Variants in SPOPL observed in about 807,000 individuals in gnomAD.
SPOPL encodes the protein speckle type BTB/POZ protein like.
A neutral mutation model predicts 53.8 loss-of-function variants in SPOPL; 23 were observed. The observed-to-expected ratio is 0.43, with a 90% CI of 0.31 to 0.61. The LOEUF is 0.61. SPOPL is among the 20% of genes least tolerant of loss of function. SPOPL has a pLI of 0.12. For missense variants in SPOPL, 442 were observed against 466.9 expected, an observed-to-expected ratio of 0.95 and a Z score of 0.49; for synonymous variants, 164 against 149.7, an observed-to-expected ratio of 1.10 and a Z score of -0.70.
chr2:138,525,520 T>A (rs1210116877), intron 1 of SPOPL, among the ~76,000 whole-genome samples: 1 of 152,034 alleles, frequency 6.6e-6, no homozygotes, highest in Admixed American at 6.6e-5. Flanking sequence ...AGTGCTTTTT[T>A]AAAAATAGAA....
Position 138,552,537 on chromosome 2 carries a change from A to G in SPOPL, c.353-17A>G, listed in dbSNP as rs1685334802. On this transcript the variant is annotated splice_polypyrimidine_tract_variant and intron_variant, in intron 4 of 10. Transcript: ENST00000280098. ...TGGATATTTATTTTATTTAAACTCT[A>G]TTCTGTTTTCCACCAGAAAGCCAAA... 1.9e-6 allele frequency: 3 copies of G among 1,597,946 alleles called. No homozygotes were observed. Among genetic ancestry groups the G allele is most frequent in the Non-Finnish European group, 2.6e-6 (3 of 1,175,118 alleles).
At chr2:138,517,355 T>C (rs1684460899) in intron 1 of SPOPL, among the ~76,000 whole-genome samples, 1 of 152,196 alleles carries the variant, frequency 6.6e-6, no homozygotes, top group Non-Finnish European at 1.5e-5. Context: ...CTTTGTTGTT[T>C]CCTTTCATTG....
chr2:138,523,304 A>G (rs1433740453), intron 1 of SPOPL, among the ~76,000 whole-genome samples: 3 of 152,150 alleles, frequency 2.0e-5, no homozygotes, highest in African/African-American at 7.2e-5. Context: ...AACATCACGA[A>G]AAACACCCAC....
chr2:138,524,008 A>G (rs1479117610), intron 1 of SPOPL, among the ~76,000 whole-genome samples: 1 of 152,122 alleles, frequency 6.6e-6, no homozygotes, highest in African/African-American at 2.4e-5. Context: ...CTCTGACCCC[A>G]CATTTTCCTT....
At chr2:138,537,800 T>C (rs1684969492) in intron 1 of SPOPL, among the ~76,000 whole-genome samples, 1 of 152,218 alleles carries the variant, frequency 6.6e-6, no homozygotes, top group Non-Finnish European at 1.5e-5. Context: ...TAGTCTCTAC[T>C]AAATTTTCTT....
intron 1 of SPOPL, among the ~76,000 whole-genome samples, chr2:138,522,460 TTAAAACTGGGGTCCTGTG>T (rs1194459461): frequency 6.6e-6 from 1 of 152,152 alleles, no homozygotes; most frequent in Non-Finnish European, 1.5e-5. Context: ...ACCCTTTTTT[TTAAAACTGGGGTCCTGTG>T]TAAATATATT....
chr2:138,527,900 C>T (rs1458526727), intron 1 of SPOPL, among the ~76,000 whole-genome samples: 1 of 152,196 alleles, frequency 6.6e-6, no homozygotes, highest in East Asian at 1.9e-4. Context: ...AACGTGATGA[C>T]TTCCCTGAAG....
chr2:138,509,679 G>A (rs919783029), intron 1 of SPOPL, among the ~76,000 whole-genome samples: 3 of 151,970 alleles, frequency 2.0e-5, no homozygotes, highest in African/African-American at 4.8e-5. Context: ...TACATCCCTC[G>A]CACCCATACA....
chr2:138,552,534 T>G lies in SPOPL; in HGVS notation c.353-20T>G, dbSNP rs1339984400. On this transcript the variant is annotated intron_variant, in intron 4 of 10. Coordinates refer to ENST00000280098, the MANE Select transcript of SPOPL (RefSeq NM_001001664.3). ...TCTTGGATATTTATTTTATTTAAAC[T>G]CTATTCTGTTTTCCACCAGAAAGCC... is the stretch of plus-strand genomic sequence containing the variant. 6.3e-7 allele frequency: 1 copy of G among 1,593,070 alleles called. No individual in the cohort carries two copies. Among genetic ancestry groups the G allele is most frequent in the Admixed American group, 1.9e-5 (1 of 53,964 alleles).
chr2:138,566,826 G>T (rs1353106678), intron 10 of SPOPL, among the ~76,000 whole-genome samples: 1 of 152,080 alleles, frequency 6.6e-6, no homozygotes, highest in Non-Finnish European at 1.5e-5. Context: ...TTATAATATG[G>T]TAAGTAATAC....
chr2:138,539,265 A>G (rs1248101227), intron 1 of SPOPL, among the ~76,000 whole-genome samples: 1 of 152,218 alleles, frequency 6.6e-6, no homozygotes, highest in South Asian at 2.1e-4. Flanking sequence ...GTATATACCC[A>G]GTAATGGGAT....
At chr2:138,507,995 T>C (rs1684251132) in intron 1 of SPOPL, among the ~76,000 whole-genome samples, 1 of 152,208 alleles carries the variant, frequency 6.6e-6, no homozygotes. Context: ...CTCTCAATTT[T>C]AGGGAGTTTA....
chr2:138,504,756 A>C (rs1245146283), intron 1 of SPOPL, among the ~76,000 whole-genome samples: 4 of 152,178 alleles, frequency 2.6e-5, no homozygotes, highest in Non-Finnish European at 4.4e-5. Context: ...CTAAAGCAGT[A>C]GTTACTCCAG....
intron 10 of SPOPL, 63 bp downstream of exon 10, chr2:138,565,056 A>AGC: frequency 6.3e-7 from 1 of 1,577,826 alleles, no homozygotes; most frequent in Non-Finnish European, 8.7e-7. Context: ...GTGTTTGCAT[A>AGC]GCCTTTTGTT....
chr2:138,503,268 G>T lies in SPOPL; in HGVS notation c.-61+1149G>T, dbSNP rs193276153. Among the ~76,000 whole-genome samples the T allele has an allele frequency of 2.7e-3, 417 of 152,316 alleles. 2 individuals carry two copies. The highest frequency in any genetic ancestry group is 4.7e-3 in the Non-Finnish European group (322 of 68,030). The stretch of plus-strand genomic sequence containing the variant: ...CTTGCTCTGCCATCTACCAGCTTTG[G>T]CTTTGGGGAAGTTACTTAATATTTC... On this transcript the variant is annotated intron_variant, in intron 1 of 10. Transcript: ENST00000280098.
intron 1 of SPOPL, among the ~76,000 whole-genome samples, chr2:138,516,133 A>T (rs1684432717): frequency 6.6e-6 from 1 of 152,176 alleles, no homozygotes; most frequent in Admixed American, 6.5e-5. Flanking sequence ...TTTTTACAGC[A>T]TTGTTCATCA....
In SPOPL at chr2:138,541,982, A is replaced by T. The variant is rs531979873; in HGVS notation, c.-60-8175A>T. Among the ~76,000 whole-genome samples the T allele has an allele frequency of 4.6e-5, 7 of 152,012 alleles. No homozygotes were observed. In the South Asian group the frequency reaches 1.5e-3, roughly 32 times the overall value. On this transcript the variant is annotated intron_variant, in intron 1 of 10. Coordinates refer to ENST00000280098, the MANE Select transcript of SPOPL (RefSeq NM_001001664.3). ...AAAGAACATCCTTATTTCTGCCTTC[A>T]TTTCGTTATGTACCCAGTAGTCATT...
intron 5 of SPOPL, chr2:138,554,558 T>C: frequency 8.0e-7 from 1 of 1,251,044 alleles, no homozygotes. Flanking sequence ...GGTGCTACCC[T>C]TTTTGCACAA....
intron 5 of SPOPL, 120 bp downstream of exon 5, chr2:138,552,801 T>A: frequency 8.3e-7 from 1 of 1,205,262 alleles, no homozygotes; most frequent in Non-Finnish European, 1.1e-6. Context: ...GTTTCATTTG[T>A]AAATTCTTGA....
Sources: allele counts gnomAD v4.1 joint callset (sites outside exome capture counted in the v4.1 genomes callset), GRCh38; gene constraint gnomAD v4.1.1; transcripts MANE v1.5; gene names NCBI Gene and HGNC (gene_info 2026-07-23, HGNC 2026-07-21).